MCTP1: variants seen among roughly 807,000 people sequenced by gnomAD.
The protein encoded by MCTP1 is multiple C2 and transmembrane domain containing 1, also known as multiple C2 and transmembrane domain-containing protein 1.
MCTP1 carries 69 observed loss-of-function variants against 120.6 expected under a neutral mutation model. The observed-to-expected ratio is 0.57, with a 90% CI of 0.47 to 0.70. MCTP1 has a LOEUF of 0.70. Among genes scored for constraint, MCTP1 ranks in the 30% least tolerant of loss-of-function variants. The pLI is 0.00. For missense variants in MCTP1, 1,203 were observed against 1,248.8 expected, an observed-to-expected ratio of 0.96 and a Z score of 0.55; for synonymous variants, 529 against 493.1, an observed-to-expected ratio of 1.07 and a Z score of -0.96.
chr5:95,241,350 G>A (rs941330353), intron 1 of MCTP1, among the ~76,000 whole-genome samples: 1 of 152,078 alleles, frequency 6.6e-6, no homozygotes, highest in African/African-American at 2.4e-5. Flanking sequence ...TCAACTTATG[G>A]TCTCTAAAAT....
chr5:94,826,293 C>T lies in MCTP1; in HGVS notation c.2437-27161G>A, dbSNP rs1787051345. ...AACCCCCATGCAATATATGGCTTTA[C>T]AATCCTCAGCATGTTAACTGAAGCC... On this transcript the variant is annotated intron_variant, in intron 17 of 22. Transcript: ENST00000515393. The T allele has an allele frequency of 1.0e-5, 5 of 496,620 alleles. No homozygotes were observed. In the South Asian group the frequency reaches 1.0e-4, roughly 10 times the overall value. The allele number at this position is 496,620 out of a possible 1,614,324, so 30.8% of individuals were successfully genotyped here.
At chr5:95,061,412 T>TTG (rs1749106588) in intron 1 of MCTP1, among the ~76,000 whole-genome samples, 1 of 9,256 alleles carries the variant, frequency 1.1e-4, no homozygotes, top group Non-Finnish European at 2.0e-4. Flanking sequence ...TTAAGGGTTT[T>TTG]TTTTTTTTTT....
intron 10 of MCTP1, among the ~76,000 whole-genome samples, chr5:94,907,502 A>G (rs755836740): frequency 5.9e-5 from 9 of 152,180 alleles, no homozygotes; most frequent in Non-Finnish European, 1.2e-4. Flanking sequence ...CTCTTTTTCA[A>G]GCTTCCACAG....
intron 19 of MCTP1, among the ~76,000 whole-genome samples, chr5:94,734,381 A>G (rs1763745412): frequency 6.6e-6 from 1 of 152,250 alleles, no homozygotes; most frequent in Non-Finnish European, 1.5e-5. Flanking sequence ...TCTGGTAAAC[A>G]TTATTAACAT....
intron 1 of MCTP1, among the ~76,000 whole-genome samples, chr5:95,273,722 G>A (rs756614001): frequency 7.2e-5 from 11 of 152,154 alleles, no homozygotes; most frequent in Non-Finnish European, 2.9e-5. Flanking sequence ...TGACACTTAG[G>A]AGCCTGGCAC....
intron 2 of MCTP1, among the ~76,000 whole-genome samples, chr5:94,966,465 G>A (rs1391156717): frequency 6.6e-6 from 1 of 152,090 alleles, no homozygotes; most frequent in Non-Finnish European, 1.5e-5. Context: ...AGAAAACCAA[G>A]AAGGGTTAAT....
At chr5:95,066,441 G>C (rs1270088243) in intron 1 of MCTP1, among the ~76,000 whole-genome samples, 6 of 151,992 alleles carry the variant, frequency 3.9e-5, no homozygotes, top group Non-Finnish European at 8.8e-5. Flanking sequence ...ACAGTACAGA[G>C]GTTCCTCAAA....
At chr5:94,715,964 T>C (rs1759081531) in intron 19 of MCTP1, among the ~76,000 whole-genome samples, 2 of 152,234 alleles carry the variant, frequency 1.3e-5, no homozygotes, top group African/African-American at 4.8e-5. Context: ...AATGTCATGT[T>C]GCACATTTAC....
In MCTP1 at chr5:95,283,911, C is replaced by T. The variant is rs758077763; in HGVS notation, c.665G>A (p.Arg222Gln). The T allele has an allele frequency of 2.2e-6, 3 of 1,394,018 alleles. No homozygotes were observed. The highest frequency in any genetic ancestry group is 3.1e-5 in the African/African-American group (2 of 65,492). The allele number at this position is 1,394,018 out of a possible 1,614,324, so 86.4% of individuals were successfully genotyped here. A position where few individuals can be genotyped will look rare whatever the true frequency, so the allele number is the denominator to read the frequency against. ...CGGGGCCCGAGACTCCGCGGGACTC[C>T]GCGCCGGCTCTGCGGGAGGAGGCGG... Reference protein sequence around the residue: ...EPPPPPAEPARSPAESRAPET... With the variant: ...EPPPPPAEPAQSPAESRAPET... Residue 222 changes from arginine to glutamine, a missense_variant, in exon 1 of 23, where the codon CGG (arginine) becomes CAG (glutamine). Physicochemically the swap from Arg to Gln is conservative, Grantham distance 43. Around this residue, in one of 2 missense-constraint regions of MCTP1, gnomAD observed 463 missense variants for 377.8 expected, o/e 1.23. Transcript: ENST00000515393.
At chr5:94,825,042 G>A (rs758228755) in intron 17 of MCTP1, among the ~76,000 whole-genome samples, 3 of 152,142 alleles carry the variant, frequency 2.0e-5, no homozygotes, top group Non-Finnish European at 4.4e-5. Flanking sequence ...ATCTCCTGCA[G>A]TTCTGCTCTG....
intron 1 of MCTP1, among the ~76,000 whole-genome samples, chr5:95,205,789 A>C (rs72779488): frequency 2.6e-5 from 4 of 152,350 alleles, no homozygotes; most frequent in Non-Finnish European, 5.9e-5. Context: ...AAAGAAGATC[A>C]ACATCATTAT....
At chr5:94,972,597 A>T (rs159015) in intron 2 of MCTP1, among the ~76,000 whole-genome samples, 126,509 of 152,086 alleles carry the variant, frequency 0.83, 53,174 homozygotes, top group African/African-American at 0.94. Context: ...GCAGAACCAT[A>T]TCATCAGCTC....
At chr5:94,821,743 T>G (rs1227574569) in intron 17 of MCTP1, among the ~76,000 whole-genome samples, 2 of 152,172 alleles carry the variant, frequency 1.3e-5, no homozygotes, top group African/African-American at 4.8e-5. Flanking sequence ...ACTCAAGTCC[T>G]GCAATTGGCC....
intron 1 of MCTP1, among the ~76,000 whole-genome samples, chr5:95,208,060 C>T (rs371249502): frequency 1.3e-5 from 2 of 151,234 alleles, no homozygotes; most frequent in South Asian, 4.2e-4. Flanking sequence ...AGTCACTCAG[C>T]AAGCAATAAC....
At chr5:95,202,771 A>G (rs557895202) in intron 1 of MCTP1, among the ~76,000 whole-genome samples, 1 of 152,016 alleles carries the variant, frequency 6.6e-6, no homozygotes, top group South Asian at 2.1e-4. Flanking sequence ...TCTGTTGCCC[A>G]GGCTGGAGTG....
chr5:95,012,751 T>C (rs1016061663), intron 2 of MCTP1, among the ~76,000 whole-genome samples: 1 of 152,056 alleles, frequency 6.6e-6, no homozygotes, highest in African/African-American at 2.4e-5. Context: ...TTCTGACTGC[T>C]CCACCGACCA....
At chr5:95,277,490 A>C (rs1336878697) in intron 1 of MCTP1, among the ~76,000 whole-genome samples, 1 of 152,248 alleles carries the variant, frequency 6.6e-6, no homozygotes, top group Non-Finnish European at 1.5e-5. Context: ...AAGCTTTTCC[A>C]GAGGTCTTAT....
chr5:94,708,723 C>T lies in MCTP1; in HGVS notation c.2831-114G>A, dbSNP rs183851735. 391 of 599,638 alleles carry T rather than the reference C, an allele frequency of 6.5e-4. 1 individual carries two copies. The African/African-American group carries it at 6.7e-3, about 10-fold the overall frequency. 37.1% of individuals were successfully genotyped at this position (599,638 alleles called of 1,614,324 possible). On this transcript the variant is annotated intron_variant, in intron 21 of 22. Coordinates refer to ENST00000515393, the MANE Select transcript of MCTP1 (RefSeq NM_024717.7). ...GAACCAATACACCCAGTTTTTTCCC[C>T]CTCTTCCTCTTTTTCTCCTTCATTT...
chr5:95,164,702 GA>G (rs1303391827), intron 1 of MCTP1, among the ~76,000 whole-genome samples: 3 of 152,142 alleles, frequency 2.0e-5, no homozygotes, highest in African/African-American at 7.2e-5. Context: ...CTATTCATCT[GA>G]AATTCAAATT....
Sources: allele counts gnomAD v4.1 joint callset (sites outside exome capture counted in the v4.1 genomes callset), GRCh38; gene constraint gnomAD v4.1.1; regional missense constraint gnomAD v4.1.1; transcripts MANE v1.5; gene names NCBI Gene and HGNC (gene_info 2026-07-23, HGNC 2026-07-21).